NBEA: variants seen among roughly 807,000 people sequenced by gnomAD.
NBEA encodes the protein lysosomal-trafficking regulator 2.
NBEA carries 44 observed loss-of-function variants against 343.4 expected under a neutral mutation model. The observed-to-expected ratio is 0.13, with a 90% CI of 0.10 to 0.16. The LOEUF is 0.16. Among genes scored for constraint, NBEA ranks in the 10% least tolerant of loss-of-function variants. The pLI, the probability that NBEA is intolerant of heterozygous loss-of-function variation, is 1.00. For synonymous variants in NBEA, 1,175 were observed against 1,238.7 expected (o/e 0.95, Z 1.08); for missense variants, 2,555 against 3,631.3 (o/e 0.70, Z 7.62).
chr13:35,165,941 T>C (rs762932955), intron 24 of NBEA, among the ~76,000 whole-genome samples: 3 of 152,136 alleles, frequency 2.0e-5, no homozygotes, highest in Non-Finnish European at 4.4e-5. Flanking sequence ...TGTCTCAACC[T>C]CCCAAAGTGC....
intron 38 of NBEA, among the ~76,000 whole-genome samples, chr13:35,420,251 C>G (rs1016674570): frequency 9.2e-5 from 14 of 152,026 alleles, no homozygotes; most frequent in Non-Finnish European, 1.5e-5. Context: ...ATAAAGTTAG[C>G]TAAAGTTTTT....
intron 38 of NBEA, among the ~76,000 whole-genome samples, chr13:35,400,529 A>G (rs2042956483): frequency 6.6e-6 from 1 of 152,038 alleles, no homozygotes; most frequent in African/African-American, 2.4e-5. Flanking sequence ...TGAGGATTAT[A>G]CCACAACCTT....
chr13:35,308,775 T>C (rs1204175766), intron 35 of NBEA, among the ~76,000 whole-genome samples: 3 of 150,206 alleles, frequency 2.0e-5, no homozygotes, highest in Non-Finnish European at 4.4e-5. Context: ...AAACAGTATA[T>C]AAATTATATT....
intron 29 of NBEA, among the ~76,000 whole-genome samples, chr13:35,183,089 A>AC (rs1454563105): frequency 6.6e-6 from 1 of 152,032 alleles, no homozygotes. Context: ...ACAATGAACC[A>AC]CCTTGGGTCA....
chr13:34,986,012 G>C (rs1490215058), intron 1 of NBEA, among the ~76,000 whole-genome samples: 1 of 150,254 alleles, frequency 6.7e-6, no homozygotes, highest in East Asian at 1.9e-4. Context: ...TTTTTTGAAG[G>C]GTTTTTTTGT....
chr13:35,405,432 A>G (rs2043224514), intron 38 of NBEA, among the ~76,000 whole-genome samples: 3 of 152,168 alleles, frequency 2.0e-5, no homozygotes, highest in Non-Finnish European at 4.4e-5. Flanking sequence ...CTTTACATAT[A>G]TTCCTTCTAT....
At chr13:35,633,474 G>C (rs1336117989) in intron 49 of NBEA, among the ~76,000 whole-genome samples, 1 of 151,348 alleles carries the variant, frequency 6.6e-6, no homozygotes, top group Non-Finnish European at 1.5e-5. Context: ...GAGGCGGGTG[G>C]ATCACTAGGT....
intron 10 of NBEA, among the ~76,000 whole-genome samples, chr13:35,081,284 G>A (rs973510896): frequency 1.5e-4 from 23 of 151,842 alleles, no homozygotes; most frequent in African/African-American, 4.4e-4. Context: ...TTCTATCTTG[G>A]CATTTTCTGT....
intron 10 of NBEA, among the ~76,000 whole-genome samples, chr13:35,080,558 A>C (rs2064340414): frequency 1.3e-5 from 2 of 152,170 alleles, no homozygotes; most frequent in Admixed American, 1.3e-4. Context: ...GAAGAAGAAA[A>C]TATTTTTGCC....
At chr13:35,627,110 G>A (rs900919341) in intron 48 of NBEA, among the ~76,000 whole-genome samples, 2 of 152,168 alleles carry the variant, frequency 1.3e-5, no homozygotes, top group Non-Finnish European at 2.9e-5. Flanking sequence ...TATTCATTAA[G>A]TGAATTCCAA....
intron 46 of NBEA, among the ~76,000 whole-genome samples, chr13:35,587,041 C>T (rs948831006): frequency 1.3e-5 from 2 of 152,098 alleles, no homozygotes; most frequent in African/African-American, 2.4e-5. Context: ...TAATTGGATT[C>T]GCTGATCACC....
chr13:34,974,039 G>T (rs1487446838), intron 1 of NBEA, among the ~76,000 whole-genome samples: 4 of 152,188 alleles, frequency 2.6e-5, no homozygotes, highest in Non-Finnish European at 4.4e-5. Flanking sequence ...CCTGAGGGTT[G>T]CAAAGATCCG....
At chr13:35,237,302 C>T (rs10129134) in intron 34 of NBEA, among the ~76,000 whole-genome samples, 14,795 of 152,112 alleles carry the variant, frequency 0.097, 815 homozygotes, top group African/African-American at 0.15. Flanking sequence ...GTGGTAAGAA[C>T]TCCTGGTATT....
In NBEA at chr13:35,465,486, T is replaced by G. The variant is rs2075350850; in HGVS notation, c.6449-6914T>G. On this transcript the variant is annotated intron_variant, in intron 40 of 58. Transcript: ENST00000379939. ...GGGTGCAAAGATTTAAATCATATCCTCTGGTTTATTCACTCCTCTAGTCTA... is the reference window on the plus strand; with the variant it reads ...GGGTGCAAAGATTTAAATCATATCCGCTGGTTTATTCACTCCTCTAGTCTA... Among the ~76,000 whole-genome samples the G allele has an allele frequency of 2.0e-5, 3 of 152,180 alleles. No homozygotes were observed. In the South Asian group the frequency reaches 6.2e-4, roughly 31 times the overall value.
At chr13:35,206,989 G>T (rs895763451) in intron 31 of NBEA, among the ~76,000 whole-genome samples, 2 of 151,990 alleles carry the variant, frequency 1.3e-5, no homozygotes, top group Non-Finnish European at 2.9e-5. Flanking sequence ...ATTAAAGGTT[G>T]AGTCTAAAGA....
chr13:35,648,180 CTTTTTTT>C (rs949635885), intron 51 of NBEA, among the ~76,000 whole-genome samples: 7,814 of 104,006 alleles, frequency 0.075, 355 homozygotes, highest in East Asian at 0.24. Context: ...TGTTTAAACT[CTTTTTTT>C]TTTTTTTTTT....
chr13:35,546,026 A>G (rs2079043022), intron 41 of NBEA, among the ~76,000 whole-genome samples: 1 of 147,912 alleles, frequency 6.8e-6, no homozygotes, highest in African/African-American at 2.4e-5. Context: ...TACTATTTCT[A>G]TCAGTTTCCC....
intron 38 of NBEA, among the ~76,000 whole-genome samples, chr13:35,353,808 C>A (rs2152866831): frequency 6.6e-6 from 1 of 152,250 alleles, no homozygotes; most frequent in Non-Finnish European, 1.5e-5. Flanking sequence ...ACTGCTTGTA[C>A]AAATAGAGGC....
chr13:35,336,057 G>A (rs1041604465), intron 36 of NBEA, among the ~76,000 whole-genome samples: 2 of 152,018 alleles, frequency 1.3e-5, no homozygotes, highest in Non-Finnish European at 2.9e-5. Flanking sequence ...TTCTATCCAG[G>A]AATTTAAGGA....
Sources: allele counts gnomAD v4.1 joint callset (sites outside exome capture counted in the v4.1 genomes callset), GRCh38; gene constraint gnomAD v4.1.1; transcripts MANE v1.5; gene names NCBI Gene and HGNC (gene_info 2026-07-23, HGNC 2026-07-21).